GPM6A: variants seen among roughly 807,000 people sequenced by gnomAD.
GPM6A encodes the protein glycoprotein M6A.
Under a neutral mutation model 32.1 loss-of-function variants are expected in GPM6A, and 7 were observed. That is an observed-to-expected ratio of 0.22 (90% CI 0.12 to 0.41). The LOEUF (loss-of-function observed/expected upper bound fraction) is 0.41. Among genes scored for constraint, GPM6A ranks in the 10% least tolerant of loss-of-function variants. The pLI is 1.00. For synonymous variants in GPM6A, 130 were observed against 123.4 expected (o/e 1.05, Z -0.35); for missense variants, 235 against 347.2 (o/e 0.68, Z 2.57).
At chr4:175,773,620 GA>G (rs1420341053) in intron 1 of GPM6A, among the ~76,000 whole-genome samples, 2 of 152,100 alleles carry the variant, frequency 1.3e-5, no homozygotes, top group African/African-American at 4.8e-5. Context: ...AGAAAGTAAT[GA>G]AATTTTATTT....
chr4:175,775,284 AAC>A (rs1336187229), intron 1 of GPM6A, among the ~76,000 whole-genome samples: 2 of 152,128 alleles, frequency 1.3e-5, no homozygotes, highest in Admixed American at 6.5e-5. Flanking sequence ...TCCGGTATAA[AAC>A]ACAGATCTGA....
intron 1 of GPM6A, among the ~76,000 whole-genome samples, chr4:175,715,224 T>C (rs531808681): frequency 6.6e-6 from 1 of 152,320 alleles, no homozygotes; most frequent in African/African-American, 2.4e-5. Flanking sequence ...CTTTCATGTG[T>C]GTGTTTGCCA....
intron 1 of GPM6A, among the ~76,000 whole-genome samples, chr4:175,919,176 C>T (rs999737810): frequency 6.6e-6 from 1 of 152,070 alleles, no homozygotes; most frequent in African/African-American, 2.4e-5. Flanking sequence ...GAACTCAACC[C>T]TTCTCATGAT....
chr4:175,637,022 A>G (rs1406006268), intron 6 of GPM6A, among the ~76,000 whole-genome samples: 1 of 82,534 alleles, frequency 1.2e-5, no homozygotes, highest in African/African-American at 4.7e-5. Flanking sequence ...AAAAATATAT[A>G]TAATACAAAA....
In GPM6A at chr4:175,995,034, G is replaced by A. The variant is rs143521222; in HGVS notation, c.-23+7275C>T. ...TTCATCATGACATTGCAGCAATTCA[G>A]TCACATCTTCAGGCTCCACTTCTAA... On this transcript the variant is annotated intron_variant, in intron 1 of 7. Coordinates refer to the GPM6A transcript ENST00000280187. Among the ~76,000 whole-genome samples, 1,226 of 152,246 alleles carry A rather than the reference G, an allele frequency of 8.1e-3. 20 individuals carry two copies. Among genetic ancestry groups the A allele is most frequent in the Admixed American group, 0.042 (639 of 15,286 alleles).
chr4:175,957,033 C>T (rs1375144169), intron 1 of GPM6A, among the ~76,000 whole-genome samples: 1 of 151,984 alleles, frequency 6.6e-6, no homozygotes, highest in African/African-American at 2.4e-5. Context: ...TTCATATAAG[C>T]GTAGGGAAAA....
chr4:175,658,022 T>C (rs1742184405), intron 3 of GPM6A, among the ~76,000 whole-genome samples: 1 of 152,216 alleles, frequency 6.6e-6, no homozygotes, highest in Non-Finnish European at 1.5e-5. Context: ...CTCAAAAATA[T>C]GCAGTCATCA....
chr4:175,643,679 G>T (rs1333358595), intron 4 of GPM6A, among the ~76,000 whole-genome samples: 1 of 152,170 alleles, frequency 6.6e-6, no homozygotes, highest in Non-Finnish European at 1.5e-5. Flanking sequence ...GTGACAGTCA[G>T]GTAGTTGTTA....
At chr4:175,997,652 C>T (rs1741349787) in intron 1 of GPM6A, among the ~76,000 whole-genome samples, 1 of 151,892 alleles carries the variant, frequency 6.6e-6, no homozygotes, top group South Asian at 2.1e-4. Context: ...TTGTTCATAA[C>T]TGTCTCGAGG....
intron 1 of GPM6A, among the ~76,000 whole-genome samples, chr4:175,943,136 T>A (rs1220055984): frequency 6.6e-6 from 1 of 152,186 alleles, no homozygotes; most frequent in Admixed American, 6.5e-5. Context: ...GTATTCTCTT[T>A]GTAGCAATTG....
chr4:175,646,151 C>T lies in GPM6A; in HGVS notation c.542-5322G>A, dbSNP rs148882010. On this transcript the variant is annotated intron_variant, in intron 4 of 6. Transcript: ENST00000393658. ...ATCAGTTGATTAGCAACCTTAATTC[C>T]ATCTGTGACTTCAATTCCCCCTTGA... 5.1e-4 allele frequency among the ~76,000 whole-genome samples: 77 copies of T among 152,238 alleles called. 1 individual carries two copies. Among genetic ancestry groups the T allele is most frequent in the African/African-American group, 1.8e-3 (76 of 41,540 alleles).
chr4:175,729,098 A>C (rs759813495), intron 1 of GPM6A, among the ~76,000 whole-genome samples: 3 of 152,026 alleles, frequency 2.0e-5, no homozygotes, highest in African/African-American at 4.8e-5. Context: ...TTAATTTCCT[A>C]CTCCCCTACT....
chr4:175,819,975 CAA>C lies in GPM6A; in HGVS notation c.-22-7728_-22-7727del, dbSNP rs1735224360. On this transcript the variant is annotated intron_variant, in intron 1 of 7. Transcript: ENST00000280187. Reference sequence around the variant, plus strand: ...CTCAGTTTAAACAGCAATAAATCAACAAAAGTGTGATTTCAGAGTAAAACTAC... The same window carrying C: ...CTCAGTTTAAACAGCAATAAATCAACAAGTGTGATTTCAGAGTAAAACTAC... 2.6e-5 allele frequency among the ~76,000 whole-genome samples: 4 copies of C among 152,244 alleles called. No homozygotes were observed. The South Asian group carries it at 8.3e-4, about 32-fold the overall frequency.
intron 1 of GPM6A, among the ~76,000 whole-genome samples, chr4:175,742,613 A>C (rs2111169065): frequency 6.6e-6 from 1 of 152,314 alleles, no homozygotes; most frequent in Admixed American, 6.5e-5. Flanking sequence ...AGGCTCGGTT[A>C]CTGGGTTTTT....
chr4:175,854,042 C>T (rs1428041764), intron 1 of GPM6A, among the ~76,000 whole-genome samples: 1 of 152,118 alleles, frequency 6.6e-6, no homozygotes, highest in Non-Finnish European at 1.5e-5. Flanking sequence ...ACAAGGAAAG[C>T]ACATTTCTGA....
intron 1 of GPM6A, among the ~76,000 whole-genome samples, chr4:175,852,060 G>A (rs1251891241): frequency 2.6e-5 from 4 of 152,146 alleles, no homozygotes; most frequent in African/African-American, 9.7e-5. Context: ...GCTCCCAGGG[G>A]AGGGTATTGA....
intron 2 of GPM6A, among the ~76,000 whole-genome samples, chr4:175,678,602 AGTGGCTG>A (rs1406954450): frequency 6.6e-6 from 1 of 152,188 alleles, no homozygotes; most frequent in Non-Finnish European, 1.5e-5. Flanking sequence ...GCAATTGTTT[AGTGGCTG>A]ACTTTCACTG....
intron 1 of GPM6A, among the ~76,000 whole-genome samples, chr4:175,749,831 A>C (rs148703293): frequency 6.6e-6 from 1 of 152,146 alleles, no homozygotes; most frequent in African/African-American, 2.4e-5. Flanking sequence ...CAACTTCCCC[A>C]CAACTGATAG....
At chr4:175,872,004 G>A (rs535815393) in intron 1 of GPM6A, among the ~76,000 whole-genome samples, 71 of 152,082 alleles carry the variant, frequency 4.7e-4, no homozygotes, top group African/African-American at 1.5e-3. Flanking sequence ...TACAATTATG[G>A]CTTATAAAAC....
Sources: allele counts gnomAD v4.1 joint callset (sites outside exome capture counted in the v4.1 genomes callset), GRCh38; gene constraint gnomAD v4.1.1; transcripts MANE v1.5; gene names NCBI Gene and HGNC (gene_info 2026-07-23, HGNC 2026-07-21).